Variants in ILRUN observed in about 807,000 individuals in gnomAD.
ILRUN encodes inflammation and lipid regulator with UBA-like and NBR1-like domains, also known as protein ILRUN.
A neutral mutation model predicts 33.8 loss-of-function variants in ILRUN; 3 were observed. The ratio of observed to expected loss-of-function variants is 0.09; its 90% CI spans 0.04 to 0.23. The LOEUF is 0.23. Among genes scored for constraint, ILRUN ranks in the 10% least tolerant of loss-of-function variants. The probability of loss-of-function intolerance (pLI) is 1.00; values close to 1 mark genes in which losing one functional copy is unlikely to be tolerated. For missense variants in ILRUN, 210 were observed against 375.1 expected, an observed-to-expected ratio of 0.56 and a Z score of 3.64; for synonymous variants, 124 against 138.9, an observed-to-expected ratio of 0.89 and a Z score of 0.75.
intron 3 of ILRUN, among the ~76,000 whole-genome samples, chr6:34,621,150 T>C (rs1762005907): frequency 6.6e-6 from 1 of 152,220 alleles, no homozygotes; most frequent in Non-Finnish European, 1.5e-5. Flanking sequence ...AAACCAAATA[T>C]TTAATTCTTC....
intron 2 of ILRUN, among the ~76,000 whole-genome samples, chr6:34,648,953 G>C (rs1762609072): frequency 6.6e-6 from 1 of 152,198 alleles, no homozygotes; most frequent in African/African-American, 2.4e-5. Flanking sequence ...TGAGATGATT[G>C]GGTCATCTTA....
At chr6:34,614,443 A>AAAATAT (rs71000073) in intron 3 of ILRUN, among the ~76,000 whole-genome samples, 26 of 133,584 alleles carry the variant, frequency 1.9e-4, no homozygotes, top group African/African-American at 6.8e-4. Context: ...AAAAAAAAAA[A>AAAATAT]ATATATATAT....
chr6:34,645,325 C>T (rs564609632), intron 3 of ILRUN, among the ~76,000 whole-genome samples: 2 of 152,028 alleles, frequency 1.3e-5, no homozygotes, highest in African/African-American at 2.4e-5. Flanking sequence ...GTTTCTGACC[C>T]GATTATCTCA....
At chr6:34,610,363 T>A (rs1218170726) in intron 3 of ILRUN, among the ~76,000 whole-genome samples, 5 of 152,134 alleles carry the variant, frequency 3.3e-5, no homozygotes, top group Non-Finnish European at 7.3e-5. Context: ...TCCAATGAAG[T>A]GGGACAATCC....
intron 3 of ILRUN, among the ~76,000 whole-genome samples, chr6:34,619,985 C>CA (rs1216649224): frequency 0.043 from 3,212 of 75,566 alleles, 77 homozygotes; most frequent in Middle Eastern, 0.062. Flanking sequence ...ACTCTGTCTC[C>CA]AAAAAAAAAA....
At chr6:34,619,985 CAA>C (rs1216649224) in intron 3 of ILRUN, among the ~76,000 whole-genome samples, 18 of 75,926 alleles carry the variant, frequency 2.4e-4, no homozygotes, top group African/African-American at 3.2e-4. Flanking sequence ...ACTCTGTCTC[CAA>C]AAAAAAAAAA....
chr6:34,656,140 G>A (rs1762766956), intron 1 of ILRUN, among the ~76,000 whole-genome samples: 1 of 151,072 alleles, frequency 6.6e-6, no homozygotes, highest in Non-Finnish European at 1.5e-5. Context: ...GGAGGCTGAG[G>A]CAGTAGAATC....
chr6:34,612,000 C>A (rs1761763900), intron 3 of ILRUN, among the ~76,000 whole-genome samples: 1 of 152,178 alleles, frequency 6.6e-6, no homozygotes, highest in African/African-American at 2.4e-5. Context: ...GAATGGACCA[C>A]AAATGTCCCA....
At chr6:34,606,451 C>A in intron 4 of ILRUN, 104 bp downstream of exon 4, 7 of 863,292 alleles carry the variant, frequency 8.1e-6, no homozygotes, top group South Asian at 3.5e-5. Flanking sequence ...TCTTAAAGAA[C>A]CTCCTCTGGG....
intron 1 of ILRUN, among the ~76,000 whole-genome samples, chr6:34,683,473 C>CACATATAT (rs1763435699): frequency 2.0e-5 from 2 of 97,844 alleles, no homozygotes; most frequent in African/African-American, 5.1e-5. Context: ...CATATATATA[C>CACATATAT]ACATATATAT....
At chr6:34,610,216 G>A (rs1761720143) in intron 3 of ILRUN, among the ~76,000 whole-genome samples, 1 of 152,006 alleles carries the variant, frequency 6.6e-6, no homozygotes, top group Non-Finnish European at 1.5e-5. Flanking sequence ...AAATCCCCAT[G>A]TAAACTAGCA....
At chr6:34,624,769 C>T (rs762018689) in intron 3 of ILRUN, among the ~76,000 whole-genome samples, 23 of 152,270 alleles carry the variant, frequency 1.5e-4, no homozygotes, top group South Asian at 4.1e-4. Context: ...ATAAGATATA[C>T]GCCTCATTGG....
At chr6:34,680,149 T>C (rs1026990531) in intron 1 of ILRUN, among the ~76,000 whole-genome samples, 1 of 152,276 alleles carries the variant, frequency 6.6e-6, no homozygotes, top group African/African-American at 2.4e-5. Context: ...CCATGTGACT[T>C]CAGGTTATTT....
At chr6:34,694,135 T>C (rs1361321854) in intron 1 of ILRUN, among the ~76,000 whole-genome samples, 3 of 152,136 alleles carry the variant, frequency 2.0e-5, no homozygotes, top group Non-Finnish European at 4.4e-5. Flanking sequence ...TTTTTTCTTA[T>C]CCACACTGGG....
At position 34,588,052 on chromosome 6, in the gene ILRUN, G is replaced by A. The variant is rs559088742; in HGVS notation, c.*2513C>T. 2.5e-6 allele frequency: 1 copy of A among 398,760 alleles called. No individual in the cohort carries two copies. The highest frequency in any genetic ancestry group is 4.4e-6 in the Non-Finnish European group (1 of 226,188). 24.7% of individuals were successfully genotyped at this position (398,760 alleles called of 1,614,324 possible). On this transcript the variant is annotated 3_prime_UTR_variant, in exon 5 of 5. Coordinates refer to ENST00000374023, the MANE Select transcript of ILRUN (RefSeq NM_024294.4). ...GCAGGGGAGCAGAGAGGGGCCCTAG[G>A]CATTGCTCTGAACCCATACCAGTGA... is the stretch of plus-strand genomic sequence containing the variant.
At chr6:34,684,063 G>A (rs1354468953) in intron 1 of ILRUN, among the ~76,000 whole-genome samples, 1 of 151,692 alleles carries the variant, frequency 6.6e-6, no homozygotes, top group African/African-American at 2.4e-5. Flanking sequence ...GGGTGACAGA[G>A]CTCTGTACCC....
chr6:34,633,528 T>G (rs1284041070), intron 3 of ILRUN, among the ~76,000 whole-genome samples: 1 of 152,066 alleles, frequency 6.6e-6, no homozygotes, highest in Non-Finnish European at 1.5e-5. Context: ...CAACATCTCC[T>G]GGGTCATAAA....
At chr6:34,655,467 T>C (rs1200244396) in intron 1 of ILRUN, among the ~76,000 whole-genome samples, 1 of 152,226 alleles carries the variant, frequency 6.6e-6, no homozygotes, top group African/African-American at 2.4e-5. Flanking sequence ...TTTATACAAA[T>C]GGTAGCATAA....
rs139413509 is a variant in ILRUN at position 34,651,223 on chromosome 6, G to A, written c.313+3402C>T. ...AGAAGAGAAAACCTATTTATGCAAAGCACCTTGAAAGATAAAATCTCTAGC... is the reference window on the plus strand; with the variant it reads ...AGAAGAGAAAACCTATTTATGCAAAACACCTTGAAAGATAAAATCTCTAGC... On this transcript the variant is annotated intron_variant, in intron 2 of 4. Coordinates refer to ENST00000374023, the MANE Select transcript of ILRUN (RefSeq NM_024294.4). 8.6e-3 allele frequency among the ~76,000 whole-genome samples: 1,312 copies of A among 152,250 alleles called. 9 individuals are homozygous for A. The highest frequency in any genetic ancestry group is 0.024 in the Middle Eastern group (7 of 294).
Sources: gnomAD v4.1 joint callset for allele counts (sites outside exome capture counted in the v4.1 genomes callset) on GRCh38, gnomAD v4.1.1 for gene constraint, MANE v1.5 for transcripts, NCBI Gene and HGNC (gene_info 2026-07-23, HGNC 2026-07-21) for gene names.